Variants in ZNF568 observed in about 807,000 individuals in gnomAD.
The protein encoded by ZNF568 is p53 inhibitor of SCO2 activation.
A neutral mutation model predicts 18.1 loss-of-function variants in ZNF568; 11 were observed. The observed-to-expected ratio is 0.61, with a 90% CI of 0.38 to 1.00. ZNF568 has a LOEUF of 1.00. ZNF568 is among the 50% of genes least tolerant of loss of function. The pLI is 0.01. For missense variants in ZNF568, 639 were observed against 768.2 expected (o/e 0.83, Z 1.99); for synonymous variants, 213 against 246.6 (o/e 0.86, Z 1.28).
At chr19:36,927,903 ATTTTTTTTTT>A (rs71177414) in intron 4 of ZNF568, among the ~76,000 whole-genome samples, 5 of 26,592 alleles carry the variant, frequency 1.9e-4, no homozygotes, top group Non-Finnish European at 2.2e-4. Flanking sequence ...ATATATATAT[ATTTTTTTTTT>A]TTTTTTTTTT....
intron 4 of ZNF568, among the ~76,000 whole-genome samples, chr19:36,935,297 C>T (rs1026007309): frequency 1.4e-4 from 22 of 151,994 alleles, no homozygotes; most frequent in African/African-American, 5.3e-4. Context: ...TTCGGGGGCT[C>T]ACGTCTGTAA....
intron 6 of ZNF568, among the ~76,000 whole-genome samples, chr19:36,947,110 G>A (rs551694329): frequency 1.1e-4 from 17 of 152,116 alleles, no homozygotes; most frequent in Non-Finnish European, 2.2e-4. Context: ...CTGCCTCCCA[G>A]GTTCAAGCAA....
intron 6 of ZNF568, among the ~76,000 whole-genome samples, chr19:36,947,430 G>T (rs1228747376): frequency 6.6e-6 from 1 of 152,154 alleles, no homozygotes; most frequent in Non-Finnish European, 1.5e-5. Context: ...AACAGAAAGG[G>T]ATTGTTGATC....
At chr19:36,984,180 T>C (rs1402328658), downstream of ZNF568, among the ~76,000 whole-genome samples, 1 of 152,190 alleles carries the variant, frequency 6.6e-6, no homozygotes, top group Admixed American at 6.5e-5. Context: ...ATTACAGGCA[T>C]GAGCCACCGC....
At chr19:36,986,638 G>A (rs1281778968) in intron 2 of ZNF568, among the ~76,000 whole-genome samples, 3 of 151,950 alleles carry the variant, frequency 2.0e-5, no homozygotes, top group Non-Finnish European at 2.9e-5. Context: ...TCCCCCCTCC[G>A]TGACTGAGCT....
intron 2 of ZNF568, among the ~76,000 whole-genome samples, chr19:36,989,521 G>T (rs898819343): frequency 3.3e-5 from 5 of 152,094 alleles, no homozygotes; most frequent in Non-Finnish European, 4.4e-5. Context: ...TGTTCTCCAA[G>T]AAGTGTTTAG....
downstream of ZNF568, among the ~76,000 whole-genome samples, chr19:36,984,860 A>G (rs2074362731): frequency 6.6e-6 from 1 of 151,188 alleles, no homozygotes; most frequent in Non-Finnish European, 1.5e-5. Flanking sequence ...CTTTTCACGT[A>G]TTCTCTTTGT....
downstream of ZNF568, among the ~76,000 whole-genome samples, chr19:36,983,873 C>T (rs2074351748): frequency 7.1e-6 from 1 of 141,328 alleles, no homozygotes; most frequent in African/African-American, 2.6e-5. Context: ...TGGTTTTTGA[C>T]AACTTTGACC....
chr19:36,961,880 G>T (rs1251378068), intron 6 of ZNF568, among the ~76,000 whole-genome samples: 2 of 135,052 alleles, frequency 1.5e-5, no homozygotes, highest in South Asian at 4.5e-4. Context: ...TGGTTAGGGT[G>T]TTTTTTTTTT....
chr19:36,920,951 C>G (rs1020869328), intron 2 of ZNF568, among the ~76,000 whole-genome samples: 1 of 148,324 alleles, frequency 6.7e-6, no homozygotes, highest in African/African-American at 2.6e-5. Context: ...TTGCAGTTGT[C>G]TACAGTATTC....
chr19:36,951,870 A>G lies in ZNF568; in HGVS notation c.*782A>G. On this transcript the variant is annotated 3_prime_UTR_variant, in exon 7 of 7. Transcript: ENST00000333987. Reference sequence around the variant, plus strand: ...TCTTGAACTCCTGACTTCAAAAGTGATCGCCCTCTTTGGCCTCCCAAAGTG... The same window carrying G: ...TCTTGAACTCCTGACTTCAAAAGTGGTCGCCCTCTTTGGCCTCCCAAAGTG... 1.1e-6 allele frequency: 1 copy of G among 877,818 alleles called. No homozygotes were observed. The highest frequency in any genetic ancestry group is 1.4e-6 in the Non-Finnish European group (1 of 732,768). The allele number at this position is 877,818 out of a possible 1,614,324, so 54.4% of individuals were successfully genotyped here.
exon 5 of ZNF568, chr19:36,996,622 A>G (rs2074474636): frequency 6.5e-7 from 1 of 1,535,444 alleles, no homozygotes; most frequent in Non-Finnish European, 8.7e-7. Context: ...TAATAAGGAA[A>G]AAGAACCTGA....
chr19:36,961,266 C>T (rs1182594191), intron 6 of ZNF568, among the ~76,000 whole-genome samples: 1 of 119,162 alleles, frequency 8.4e-6, no homozygotes, highest in Admixed American at 9.7e-5. Context: ...TATATAATGA[C>T]CTTCTTTGTC....
chr19:36,974,728 T>A lies in ZNF568; in HGVS notation c.405+262T>A, dbSNP rs968691287. ...TTGACAGAGAACATGCCTCAGTGAT[T>A]TGGCAGGGAAATTGAACAACAGAAT... On this transcript the variant is annotated intron_variant, in intron 7 of 7. Transcript: ENST00000427117. 3.9e-5 allele frequency among the ~76,000 whole-genome samples: 6 copies of A among 152,176 alleles called. No individual in the cohort carries two copies. In the East Asian group the frequency reaches 1.2e-3, roughly 29 times the overall value.
At chr19:36,937,593 G>A (rs546544971) in intron 6 of ZNF568, among the ~76,000 whole-genome samples, 1 of 152,132 alleles carries the variant, frequency 6.6e-6, no homozygotes, top group East Asian at 1.9e-4. Flanking sequence ...TATGCATTCA[G>A]TATTTCATGG....
chr19:36,925,269 A>G lies in ZNF568; in HGVS notation c.135+11A>G. ...ACAACCAGGCCTCTTGTACGTCTTAAGCATTTATTTGTTTCCTGCATTATT... is the reference window on the plus strand; with the variant it reads ...ACAACCAGGCCTCTTGTACGTCTTAGGCATTTATTTGTTTCCTGCATTATT... On this transcript the variant is annotated intron_variant, in intron 4 of 6. Transcript: ENST00000333987. 6.2e-7 allele frequency: 1 copy of G among 1,613,302 alleles called. No homozygotes were observed.
chr19:36,935,528 C>A (rs1402571963), intron 4 of ZNF568, among the ~76,000 whole-genome samples: 8 of 150,104 alleles, frequency 5.3e-5, no homozygotes, highest in Admixed American at 2.7e-4. Flanking sequence ...CCACTGTACT[C>A]CAGCCTAGGC....
intron 6 of ZNF568, among the ~76,000 whole-genome samples, chr19:36,940,546 T>C (rs1019631676): frequency 2.6e-5 from 4 of 152,228 alleles, no homozygotes; most frequent in African/African-American, 9.6e-5. Flanking sequence ...TTTGGGAAGA[T>C]TTTTCTTATT....
intron 6 of ZNF568, among the ~76,000 whole-genome samples, chr19:36,942,515 C>T (rs1019895885): frequency 8.3e-5 from 12 of 145,072 alleles, no homozygotes; most frequent in South Asian, 4.4e-4. Context: ...AGGAGAATGG[C>T]GTGAACCCAG....
Sources: gnomAD v4.1 joint callset for allele counts (sites outside exome capture counted in the v4.1 genomes callset) on GRCh38, gnomAD v4.1.1 for gene constraint, MANE v1.5 for transcripts, NCBI Gene and HGNC (gene_info 2026-07-23, HGNC 2026-07-21) for gene names.